Variants in UGT3A2 observed in about 807,000 individuals in gnomAD.
The protein encoded by UGT3A2 is UDP glycosyltransferase family 3 member A2.
A neutral mutation model predicts 39.8 loss-of-function variants in UGT3A2; 32 were observed. That is an observed-to-expected ratio of 0.80 (90% CI 0.61 to 1.08). The LOEUF is 1.08. Among genes scored for constraint, UGT3A2 ranks in the 50% least tolerant of loss-of-function variants. UGT3A2 has a pLI of 0.00. For missense variants in UGT3A2, 611 were observed against 637.1 expected (o/e 0.96, Z 0.44); for synonymous variants, 241 against 230.7 (o/e 1.04, Z -0.40).
chr5:36,039,451 G>A (rs911196779), intron 5 of UGT3A2, 26 bp downstream of exon 5: 3 of 1,605,794 alleles, frequency 1.9e-6, no homozygotes, highest in Admixed American at 1.7e-5. Flanking sequence ...AGTGGAAGGA[G>A]AGGAGCAGTC....
intron 2 of UGT3A2, among the ~76,000 whole-genome samples, chr5:36,063,545 A>T (rs745819157): frequency 6.6e-6 from 1 of 152,218 alleles, no homozygotes; most frequent in Non-Finnish European, 1.5e-5. Context: ...TTAAATTCCG[A>T]TATCATAAAA....
intron 1 of UGT3A2, among the ~76,000 whole-genome samples, chr5:36,064,679 T>C (rs1218966866): frequency 2.0e-5 from 3 of 152,150 alleles, no homozygotes; most frequent in Non-Finnish European, 4.4e-5. Context: ...TAAGGCCTTA[T>C]GGAGACACAG....
intron 4 of UGT3A2, among the ~76,000 whole-genome samples, chr5:36,047,904 T>C (rs1167958075): frequency 2.0e-5 from 3 of 152,200 alleles, no homozygotes; most frequent in African/African-American, 7.2e-5. Context: ...TTGGGACCCC[T>C]GCTCCCCAAC....
At chr5:36,043,322 T>C (rs1263729990) in intron 4 of UGT3A2, among the ~76,000 whole-genome samples, 1 of 152,012 alleles carries the variant, frequency 6.6e-6, no homozygotes, top group Non-Finnish European at 1.5e-5. Context: ...TTTAAAAATG[T>C]ATTGAAACAA....
Position 36,035,727 on chromosome 5 carries a change from G to A in UGT3A2, c.1543C>T (p.Arg515Cys), listed in dbSNP as rs201405999. ...KLLGMAVWWL[R>C]GARKVKET Reference sequence around the variant, plus strand: ...GTCTCCTTCACCTTTCTGGCCCCACGCAGCCACCAGACAGCCATGCCCAGC... The same window carrying A: ...GTCTCCTTCACCTTTCTGGCCCCACACAGCCACCAGACAGCCATGCCCAGC... Residue 515 changes from arginine to cysteine, a missense_variant, in exon 7 of 7, where the codon CGT (arginine) becomes TGT (cysteine). By Grantham distance (180) the Arg-to-Cys change is radical. Transcript: ENST00000282507. 19 of 1,614,092 alleles carry A rather than the reference G, an allele frequency of 1.2e-5. No individual in the cohort carries two copies. The highest frequency in any genetic ancestry group is 1.4e-5 in the Non-Finnish European group (16 of 1,180,020).
chr5:36,038,427 A>G (rs1741901144), intron 5 of UGT3A2, among the ~76,000 whole-genome samples: 1 of 152,182 alleles, frequency 6.6e-6, no homozygotes, highest in Non-Finnish European at 1.5e-5. Flanking sequence ...ATCCACTGAC[A>G]GCTGATTTCC....
chr5:36,038,081 T>C (rs1741889106), intron 5 of UGT3A2, 65 bp from the exon 6 acceptor site: 2 of 1,507,690 alleles, frequency 1.3e-6, no homozygotes, highest in Admixed American at 2.2e-5. Context: ...CAGGCAGAGA[T>C]GAAGGGGATA....
rs988052247 is a variant in UGT3A2 at position 36,037,300 on chromosome 5, C to T, written c.1295+497G>A. Reference sequence around the variant, plus strand: ...AAGTGTTAAGAAGGAAATGATGTAACTGGGGTAGGTGGGAGAAGAAGTTAC... The same window carrying T: ...AAGTGTTAAGAAGGAAATGATGTAATTGGGGTAGGTGGGAGAAGAAGTTAC... On this transcript the variant is annotated intron_variant, in intron 6 of 6. Coordinates refer to ENST00000282507, the MANE Select transcript of UGT3A2 (RefSeq NM_174914.4). Among the ~76,000 whole-genome samples the T allele has an allele frequency of 1.1e-3, 162 of 152,188 alleles. 1 individual carries two copies. The highest frequency in any genetic ancestry group is 3.8e-3 in the African/African-American group (157 of 41,506).
Position 36,035,791 on chromosome 5 carries a change from C to T in UGT3A2, c.1479G>A (p.Leu493=). The T allele has an allele frequency of 1.2e-6, 2 of 1,614,156 alleles. No individual in the cohort carries two copies. The highest frequency in any genetic ancestry group is 1.7e-6 in the Non-Finnish European group (2 of 1,180,028). ...GCCATAGAGTCCCCAGAGTGAGCCC[C>T]AGCAGAAACACAAAAACGTCGAGCA... ...QYLLDVFVFL[L]GLTLGTLWLC... is the part of the protein sequence containing the mutation. The change falls in exon 7 of 7, where the codon CTG becomes CTA. Residue 493 remains leucine, a synonymous_variant. Coordinates refer to ENST00000282507, the MANE Select transcript of UGT3A2 (RefSeq NM_174914.4).
intron 4 of UGT3A2, among the ~76,000 whole-genome samples, chr5:36,042,773 C>A (rs184406916): frequency 6.2e-4 from 94 of 151,972 alleles, no homozygotes; most frequent in Middle Eastern, 3.4e-3. Context: ...AAGACAAATA[C>A]CATGAAAAGA....
intron 3 of UGT3A2, among the ~76,000 whole-genome samples, chr5:36,050,916 T>A (rs144814721): frequency 2.8e-3 from 424 of 151,138 alleles, no homozygotes; most frequent in African/African-American, 9.8e-3. Context: ...AGTTCATTAA[T>A]CATATTTAAA....
chr5:36,043,877 A>G (rs1290254603), intron 4 of UGT3A2, among the ~76,000 whole-genome samples: 1 of 152,150 alleles, frequency 6.6e-6, no homozygotes, highest in Non-Finnish European at 1.5e-5. Flanking sequence ...GTCTCCTAGC[A>G]AAGAAAAGCC....
chr5:36,038,109 T>C (rs1741890173), intron 5 of UGT3A2, 93 bp from the exon 6 acceptor site: 9 of 1,308,476 alleles, frequency 6.9e-6, no homozygotes, highest in Middle Eastern at 2.7e-4. Flanking sequence ...GCCAAGGGGA[T>C]CTAGTGGTGT....
At chr5:36,040,355 G>A (rs1258356261) in intron 4 of UGT3A2, among the ~76,000 whole-genome samples, 5 of 152,052 alleles carry the variant, frequency 3.3e-5, no homozygotes, top group Admixed American at 6.5e-5. Flanking sequence ...TTTGCCCCCC[G>A]AAGGAATACC....
intron 4 of UGT3A2, among the ~76,000 whole-genome samples, chr5:36,040,180 T>C (rs1014720981): frequency 6.6e-6 from 1 of 152,182 alleles, no homozygotes; most frequent in African/African-American, 2.4e-5. Flanking sequence ...TTTCCTCTAA[T>C]GTTTTATGAT....
intron 3 of UGT3A2, among the ~76,000 whole-genome samples, chr5:36,050,427 C>T (rs1379586152): frequency 6.6e-6 from 1 of 152,174 alleles, no homozygotes; most frequent in Non-Finnish European, 1.5e-5. Context: ...TAATCAATTC[C>T]CTGACACACC....
intron 5 of UGT3A2, among the ~76,000 whole-genome samples, chr5:36,038,828 A>G (rs952328001): frequency 3.9e-5 from 6 of 152,230 alleles, no homozygotes; most frequent in African/African-American, 1.4e-4. Flanking sequence ...TGCTCTAGTC[A>G]GTGTCTATGG....
intron 1 of UGT3A2, among the ~76,000 whole-genome samples, chr5:36,065,458 T>A (rs1179069386): frequency 6.6e-6 from 1 of 152,094 alleles, no homozygotes; most frequent in Non-Finnish European, 1.5e-5. Flanking sequence ...GGTGGCTTTC[T>A]GGGGCAAAAA....
At chr5:36,045,234 T>G (rs1001010271) in intron 4 of UGT3A2, among the ~76,000 whole-genome samples, 3 of 151,938 alleles carry the variant, frequency 2.0e-5, no homozygotes, top group African/African-American at 7.3e-5. Flanking sequence ...ATAAAGACAG[T>G]CTCTTCAATG....
Sources: gnomAD v4.1 joint callset for allele counts (sites outside exome capture counted in the v4.1 genomes callset) on GRCh38, gnomAD v4.1.1 for gene constraint, MANE v1.5 for transcripts, NCBI Gene and HGNC (gene_info 2026-07-23, HGNC 2026-07-21) for gene names.